ERI3: variants seen among roughly 807,000 people sequenced by gnomAD.
The protein encoded by ERI3 is ERI1 exoribonuclease 3.
Under a neutral mutation model 44.4 loss-of-function variants are expected in ERI3, and 18 were observed. The ratio of observed to expected loss-of-function variants is 0.41; its 90% CI spans 0.28 to 0.60. ERI3 has a LOEUF of 0.60. Among genes scored for constraint, ERI3 ranks in the 20% least tolerant of loss-of-function variants. The probability of loss-of-function intolerance (pLI) is 0.36; values close to 1 mark genes in which losing one functional copy is unlikely to be tolerated. For synonymous variants in ERI3, 183 were observed against 164.8 expected (o/e 1.11, Z -0.84); for missense variants, 294 against 435.5 (o/e 0.68, Z 2.89).
At chr1:44,240,490 A>G (rs945361849) in intron 8 of ERI3, among the ~76,000 whole-genome samples, 2 of 152,194 alleles carry the variant, frequency 1.3e-5, no homozygotes, top group African/African-American at 4.8e-5. Flanking sequence ...GTGGTGGTGA[A>G]GAACTCCAAC....
intron 7 of ERI3, among the ~76,000 whole-genome samples, chr1:44,254,447 A>G (rs533807580): frequency 4.6e-5 from 7 of 152,070 alleles, no homozygotes; most frequent in African/African-American, 1.4e-4. Context: ...GTACTTTTCT[A>G]CTAAGCCTGA....
At chr1:44,277,920 C>G (rs1464179137) in intron 7 of ERI3, among the ~76,000 whole-genome samples, 2 of 152,184 alleles carry the variant, frequency 1.3e-5, no homozygotes, top group Non-Finnish European at 2.9e-5. Flanking sequence ...ACCATAGCGT[C>G]TAGCACAGCA....
intron 2 of ERI3, among the ~76,000 whole-genome samples, chr1:44,343,563 A>G (rs1317527936): frequency 6.6e-6 from 1 of 152,226 alleles, no homozygotes; most frequent in Non-Finnish European, 1.5e-5. Flanking sequence ...AATCTTCAAA[A>G]GTATCAAGGT....
chr1:44,297,306 C>T (rs143501947), intron 6 of ERI3, among the ~76,000 whole-genome samples: 139 of 152,122 alleles, frequency 9.1e-4, no homozygotes, highest in South Asian at 3.7e-3. Flanking sequence ...CCAGAGTCCA[C>T]AAATCATTCA....
chr1:44,313,423 A>G (rs989904284), intron 4 of ERI3, among the ~76,000 whole-genome samples, 195 bp from the exon 5 acceptor site: 4 of 152,164 alleles, frequency 2.6e-5, no homozygotes. Flanking sequence ...TGCTTCTCCC[A>G]TAATATCCTG....
At position 44,308,395 on chromosome 1, in the gene ERI3, C is replaced by G. The variant is rs778966331; in HGVS notation, c.673G>C (p.Asp225His). The change falls in exon 6 of 9, where the codon GAT (aspartate) becomes CAT (histidine). Residue 225 changes from aspartate (D) to histidine (H), a missense_variant. By Grantham distance (81) the Asp-to-His change is moderately conservative. Around this residue, in one of 2 missense-constraint regions of ERI3, gnomAD observed 187 missense variants for 338.6 expected, o/e 0.55. Transcript: ENST00000372257. ...AGGCCTTCCTTCGCCATCCATTCAT[C>G]GACCCTCTGAAAAGTACACAAGAAC... is the stretch of plus-strand genomic sequence containing the variant. The part of the protein sequence containing the change: ...PSLQQVLERV[D>H]EWMAKEGLLD... 1.2e-6 allele frequency: 2 copies of G among 1,613,976 alleles called. No homozygotes were observed. Among genetic ancestry groups the G allele is most frequent in the South Asian group, 2.2e-5 (2 of 91,080 alleles).
At chr1:44,343,365 G>A (rs549431424) in intron 2 of ERI3, among the ~76,000 whole-genome samples, 2 of 152,246 alleles carry the variant, frequency 1.3e-5, no homozygotes, top group Admixed American at 6.5e-5. Flanking sequence ...GGAGAAGCCT[G>A]GCAGACATCA....
At position 44,221,116 on chromosome 1, in the gene ERI3, G is replaced by C. The variant is rs1172092995; in HGVS notation, c.*442C>G. ...TGCCTCGTTTCCCCGACTTTATTCA[G>C]TGGCACGTTCACAGCGGGGATGGGG... is the stretch of plus-strand genomic sequence containing the variant. On this transcript the variant is annotated 3_prime_UTR_variant, in exon 9 of 9. Transcript: ENST00000372257. The surrounding 1 kb of genome is among the most constrained non-coding windows in gnomAD (Gnocchi z 5.9). The C allele has an allele frequency of 3.7e-6, 1 of 268,860 alleles. No homozygotes were observed. The highest frequency in any genetic ancestry group is 7.2e-6 in the Non-Finnish European group (1 of 138,960). 16.7% of individuals were successfully genotyped at this position (268,860 alleles called of 1,614,324 possible). A position where few individuals can be genotyped will look rare whatever the true frequency, so the allele number is the denominator to read the frequency against.
intron 7 of ERI3, among the ~76,000 whole-genome samples, chr1:44,265,350 G>A (rs1361147021): frequency 6.6e-6 from 1 of 152,232 alleles, no homozygotes; most frequent in African/African-American, 2.4e-5. Context: ...CAGCAGAGTA[G>A]GCTGGGGCTA....
At position 44,339,188 on chromosome 1, in the gene ERI3, A is replaced by T; in HGVS notation, c.346T>A (p.Cys116Ser). Residue 116 changes from cysteine to serine, a missense_variant, in exon 3 of 9, where the codon TGC becomes AGC. By Grantham distance (112) the Cys-to-Ser change is moderately radical (BLOSUM62 -1). This residue lies in a region of ERI3 where 187 missense variants were observed against 338.6 expected (regional missense o/e 0.55). Transcript: ENST00000372257. ...GCCAGCTTTCTGGTGGATATGGAGCAGAACTCCGGAACACCACAGGGAGAA... is the reference window on the plus strand; with the variant it reads ...GCCAGCTTTCTGGTGGATATGGAGCTGAACTCCGGAACACCACAGGGAGAA... The part of the protein sequence containing the change: ...LFSPCGVPEF[C>S]SISTRKLAAH... 6.2e-7 allele frequency: 1 copy of T among 1,614,152 alleles called. No individual in the cohort carries two copies. The highest frequency in any genetic ancestry group is 8.5e-7 in the Non-Finnish European group (1 of 1,180,022).
chr1:44,258,178 C>G (rs1231517758), intron 7 of ERI3, among the ~76,000 whole-genome samples: 1 of 152,230 alleles, frequency 6.6e-6, no homozygotes, highest in African/African-American at 2.4e-5. Context: ...CTAAGTTTGA[C>G]TCTCAGAAGT....
intron 2 of ERI3, among the ~76,000 whole-genome samples, chr1:44,347,528 CCAGA>C (rs1232835572): frequency 1.3e-5 from 2 of 152,122 alleles, no homozygotes; most frequent in Non-Finnish European, 2.9e-5. Flanking sequence ...CCATTTTTTG[CCAGA>C]CAAATTATGA....
chr1:44,351,901 G>A (rs1264520459), intron 2 of ERI3, among the ~76,000 whole-genome samples: 1 of 151,922 alleles, frequency 6.6e-6, no homozygotes, highest in Non-Finnish European at 1.5e-5. Context: ...TACTTCCTCT[G>A]AGAGGCCTTC....
intron 3 of ERI3, among the ~76,000 whole-genome samples, chr1:44,326,976 G>A (rs1016604409): frequency 3.9e-5 from 6 of 152,168 alleles, no homozygotes; most frequent in African/African-American, 1.2e-4. Context: ...CTCACCTGAG[G>A]TGTGCACACC....
intron 6 of ERI3, among the ~76,000 whole-genome samples, chr1:44,295,487 C>T (rs970489185): frequency 2.0e-5 from 3 of 152,162 alleles, no homozygotes; most frequent in African/African-American, 4.8e-5. Context: ...TTACAGGGCC[C>T]AGAGCAGCTC....
At chr1:44,268,519 T>C (rs557323996) in intron 7 of ERI3, among the ~76,000 whole-genome samples, 2 of 152,282 alleles carry the variant, frequency 1.3e-5, no homozygotes, top group African/African-American at 2.4e-5. Flanking sequence ...ACAATCCCAC[T>C]TGAAGACTGA....
At chr1:44,310,955 G>GCGCGCGCA (rs1553195204) in intron 5 of ERI3, among the ~76,000 whole-genome samples, 3 of 72,406 alleles carry the variant, frequency 4.1e-5, no homozygotes, top group East Asian at 3.7e-4. Flanking sequence ...TGCACATCGC[G>GCGCGCGCA]CGCGCGCGCA....
intron 3 of ERI3, among the ~76,000 whole-genome samples, chr1:44,327,505 C>T (rs1163537485): frequency 3.0e-4 from 45 of 152,214 alleles, no homozygotes; most frequent in Admixed American, 2.8e-3. Context: ...TCCCATCAGT[C>T]CTATAAGATT....
chr1:44,314,707 T>C (rs949998441), intron 4 of ERI3, among the ~76,000 whole-genome samples: 7 of 152,150 alleles, frequency 4.6e-5, no homozygotes, highest in Non-Finnish European at 8.8e-5. Flanking sequence ...GCTTCAATAA[T>C]CTTGGAGTAC....
Sources: gnomAD v4.1 joint callset for allele counts (sites outside exome capture counted in the v4.1 genomes callset) on GRCh38, gnomAD v4.1.1 for gene constraint, gnomAD v4.1.1 regional missense constraint, Gnocchi (gnomAD v3.1) non-coding constraint, MANE v1.5 for transcripts, NCBI Gene and HGNC (gene_info 2026-07-23, HGNC 2026-07-21) for gene names.